HSPG2: variants seen among roughly 807,000 people sequenced by gnomAD.
HSPG2 encodes the protein heparan sulfate proteoglycan 2, also known as basement membrane-specific heparan sulfate proteoglycan core protein.
In HSPG2, 278 loss-of-function variants were observed where a neutral mutation model predicts 526.6. The ratio of observed to expected loss-of-function variants is 0.53; its 90% CI spans 0.48 to 0.58. The LOEUF (loss-of-function observed/expected upper bound fraction) is 0.58. HSPG2 is among the 20% of genes least tolerant of loss of function. The pLI is 0.00. For missense variants in HSPG2, 5,354 were observed against 6,099.5 expected (o/e 0.88, Z 4.07); for synonymous variants, 2,465 against 2,555.4 (o/e 0.96, Z 1.07).
Position 21,831,000 on chromosome 1 carries a change from C to A in HSPG2, c.11653G>T (p.Ala3885Ser). The stretch of plus-strand genomic sequence containing the variant: ...TGCGTACCTGGATGGCAGTGCAGGG[C>A]CTGCGAGTGCTCACAGCGGCTCCCG... ...FTGSRCEHSQ[A>S]LHCHPEACGP... is the part of the protein sequence containing the mutation. The change falls in exon 85 of 97, where the codon GCC becomes TCC. Residue 3885 changes from alanine (A) to serine (S), a missense_variant. Transcript: ENST00000374695. 2 of 1,584,060 alleles carry A rather than the reference C, an allele frequency of 1.3e-6. No individual in the cohort carries two copies. Among genetic ancestry groups the A allele is most frequent in the Non-Finnish European group, 8.6e-7 (1 of 1,164,856 alleles).
chr1:21,933,972 C>T (rs575712569), intron 1 of HSPG2, among the ~76,000 whole-genome samples: 2 of 152,326 alleles, frequency 1.3e-5, no homozygotes, highest in Admixed American at 1.3e-4. Context: ...CGACTTCCCT[C>T]CTAGGCCCTG....
In HSPG2 at chr1:21,848,651, G is replaced by A. The variant is rs768113945; in HGVS notation, c.7729C>T (p.Arg2577Trp). ...WYKRGGSLPS[R>W]HQIVGSRLRI... The stretch of plus-strand genomic sequence containing the variant: ...ACCTGCTGGCCCTGTACCTGGTGCC[G>A]GCTGGGTAAGCTGCCTCCACGCTTA... Residue 2577 changes from arginine to tryptophan, a missense_variant, in exon 59 of 97, where the codon CGG becomes TGG. Transcript: ENST00000374695. The surrounding 1 kb of genome is among the most constrained non-coding windows in gnomAD (Gnocchi z 4.9). The A allele has an allele frequency of 1.5e-5, 24 of 1,613,128 alleles. No individual in the cohort carries two copies. Among genetic ancestry groups the A allele is most frequent in the East Asian group, 6.7e-5 (3 of 44,880 alleles).
intron 25 of HSPG2, 30 bp downstream of exon 25, chr1:21,875,599 T>G: frequency 6.4e-7 from 1 of 1,560,686 alleles, no homozygotes; most frequent in Non-Finnish European, 8.7e-7. Context: ...CCCAAGCCCA[T>G]GCTGGTCCTC....
At chr1:21,907,911 C>T (rs1410624329) in intron 1 of HSPG2, among the ~76,000 whole-genome samples, 1 of 152,236 alleles carries the variant, frequency 6.6e-6, no homozygotes, top group African/African-American at 2.4e-5. Context: ...TTTCTCCTCT[C>T]TGTGCCTCCG....
chr1:21,927,464 C>G (rs1644230495), intron 1 of HSPG2, among the ~76,000 whole-genome samples: 1 of 152,182 alleles, frequency 6.6e-6, no homozygotes, highest in South Asian at 2.1e-4. Context: ...GCTCCCCAGG[C>G]AAGGTCCTGC....
Position 21,836,949 on chromosome 1 carries a change from T to C in HSPG2, c.10208A>G (p.Gln3403Arg), listed in dbSNP as rs775803071. The C allele has an allele frequency of 6.4e-7, 1 of 1,556,384 alleles. No individual in the cohort carries two copies. Among genetic ancestry groups the C allele is most frequent in the Non-Finnish European group, 8.7e-7 (1 of 1,149,876 alleles). The change falls in exon 75 of 97, where the codon CAG (glutamine) becomes CGG (arginine). Residue 3403 changes from glutamine (Q) to arginine (R), a missense_variant. Coordinates refer to ENST00000374695, the MANE Select transcript of HSPG2 (RefSeq NM_005529.7). ...SIPAGSTPTV[Q>R]VTPQLETKSI... ...CTTGGTCTCTAGCTGAGGCGTGACC[T>C]GCACGGTGGGCGTGGACCCTGCTGG...
At chr1:21,826,074 C>T (rs1478656624) in intron 91 of HSPG2, among the ~76,000 whole-genome samples, 1 of 151,460 alleles carries the variant, frequency 6.6e-6, no homozygotes, top group African/African-American at 2.4e-5. Flanking sequence ...TGAGCCACCG[C>T]ACCCAGCCTT....
intron 1 of HSPG2, among the ~76,000 whole-genome samples, chr1:21,927,924 C>T (rs1403361861): frequency 6.6e-6 from 1 of 152,230 alleles, no homozygotes; most frequent in Non-Finnish European, 1.5e-5. Flanking sequence ...AAGGCGTGCC[C>T]GGCTGTGCCC....
rs1313764673 is a variant in HSPG2 at position 21,864,479 on chromosome 1, G to A, written c.4627-266C>T. Reference sequence around the variant, plus strand: ...TGAATTGGCTCCCTGTCTCTGGTGGGCCCCCTCAAGGGCATGAACTGGGTT... The same window carrying A: ...TGAATTGGCTCCCTGTCTCTGGTGGACCCCCTCAAGGGCATGAACTGGGTT... On this transcript the variant is annotated intron_variant, in intron 36 of 96. Coordinates refer to ENST00000374695, the MANE Select transcript of HSPG2 (RefSeq NM_005529.7). The surrounding 1 kb of genome is among the most constrained non-coding windows in gnomAD (Gnocchi z 4.8). Among the ~76,000 whole-genome samples the A allele has an allele frequency of 1.3e-5, 2 of 152,170 alleles. No homozygotes were observed. The highest frequency in any genetic ancestry group is 4.8e-5 in the African/African-American group (2 of 41,436).
At chr1:21,921,503 C>T (rs1569615610) in intron 1 of HSPG2, among the ~76,000 whole-genome samples, 1 of 152,160 alleles carries the variant, frequency 6.6e-6, no homozygotes. Context: ...ACTCCAAGCC[C>T]CTGCTTCCCT....
intron 1 of HSPG2, among the ~76,000 whole-genome samples, chr1:21,925,403 G>A (rs1644161028): frequency 6.6e-6 from 1 of 152,144 alleles, no homozygotes; most frequent in South Asian, 2.1e-4. Flanking sequence ...TTTCACCCAA[G>A]CCCCCAGTAT....
chr1:21,868,855 A>C (rs1640436002), intron 33 of HSPG2: 10 of 792,864 alleles, frequency 1.3e-5, no homozygotes, highest in Non-Finnish European at 1.5e-5. Context: ...ATTCTATGAC[A>C]CCCCTATAAT....
chr1:21,927,566 G>A (rs984826351), intron 1 of HSPG2, among the ~76,000 whole-genome samples: 7 of 151,978 alleles, frequency 4.6e-5, no homozygotes, highest in African/African-American at 1.2e-4. Flanking sequence ...CAGGATGCAC[G>A]AACATCCTTT....
rs749686104 is a variant in HSPG2 at position 21,842,721 on chromosome 1, A to C, written c.8910+49T>G. ...AGGTTTGGGTACAGAAAGCAACTGCAGGTCTAACCTTGCCTGACCTGGAAT... is the reference window on the plus strand; with the variant it reads ...AGGTTTGGGTACAGAAAGCAACTGCCGGTCTAACCTTGCCTGACCTGGAAT... On this transcript the variant is annotated intron_variant, in intron 67 of 96. Transcript: ENST00000374695. 4.3e-6 allele frequency: 7 copies of C among 1,609,926 alleles called. No individual in the cohort carries two copies. In the South Asian group the frequency reaches 7.7e-5, roughly 18 times the overall value.
Position 21,857,156 on chromosome 1 carries a change from C to T in HSPG2, c.5434G>A (p.Gly1812Arg), listed in dbSNP as rs775442845. The change falls in exon 44 of 97, where the codon GGG becomes AGG. Residue 1812 changes from glycine (G) to arginine (R), a missense_variant. By Grantham distance (125) the Gly-to-Arg change is moderately radical. Transcript: ENST00000374695. ...YTLVWTRLHN[G>R]KLPTRAMDFN... Reference sequence around the variant, plus strand: ...TCCATGGCTCGGGTGGGCAGTTTCCCGTTGTGCAGGCGGGTCCACACCAGG... The same window carrying T: ...TCCATGGCTCGGGTGGGCAGTTTCCTGTTGTGCAGGCGGGTCCACACCAGG... The T allele has an allele frequency of 1.6e-5, 26 of 1,613,970 alleles. No individual in the cohort carries two copies. The highest frequency in any genetic ancestry group is 1.6e-4 in the Middle Eastern group (1 of 6,084).
rs12742444 is a variant in HSPG2, at chr1:21,854,230, C to T, written c.6402G>A (p.Val2134=). ...TGGGGCCAGAATGGGTGCCGTGGAGCACAGACACAGTAATGGAGGCCTCCT... is the reference window on the plus strand; with the variant it reads ...TGGGGCCAGAATGGGTGCCGTGGAGTACAGACACAGTAATGGAGGCCTCCT... ...GPKEASITVS[V]LHGTHSGPSY... The change falls in exon 50 of 97, where the codon GTG becomes GTA. Residue 2134 remains valine, a synonymous_variant. Transcript: ENST00000374695. 89,713 of 1,596,184 alleles carry T rather than the reference C, an allele frequency of 0.056. 3,020 individuals are homozygous for T. The highest frequency in any genetic ancestry group is 0.11 in the South Asian group (9,578 of 88,008).
At position 21,839,980 on chromosome 1, in the gene HSPG2, A is replaced by T. The variant is rs780158139; in HGVS notation, c.9551T>A (p.Val3184Glu). ...SAKPSDAGTY[V>E]CLAQNALGTA... The stretch of plus-strand genomic sequence containing the variant: ...GCCTAGTGCATTCTGAGCAAGGCAC[A>T]CATAAGTGCCCGCATCTGATGGTTT... The change falls in exon 72 of 97, where the codon GTG becomes GAG. Residue 3184 changes from valine (V) to glutamate (E), a missense_variant. Transcript: ENST00000374695. The surrounding 1 kb of genome is among the most constrained non-coding windows in gnomAD (Gnocchi z 4.5). 6.8e-6 allele frequency: 11 copies of T among 1,614,230 alleles called. No individual in the cohort carries two copies. Among genetic ancestry groups the T allele is most frequent in the Non-Finnish European group, 9.3e-6 (11 of 1,180,038 alleles).
chr1:21,834,535 T>C, intron 77 of HSPG2, 144 bp downstream of exon 77: 2 of 999,898 alleles, frequency 2.0e-6, no homozygotes, highest in East Asian at 2.6e-5. Flanking sequence ...CCACCTGTTA[T>C]GAAACCTGCC....
At chr1:21,836,751 G>GAGC (rs1354472117) in intron 75 of HSPG2, 51 bp downstream of exon 75, 4 of 1,480,198 alleles carry the variant, frequency 2.7e-6, no homozygotes, top group Non-Finnish European at 3.6e-6. Flanking sequence ...TGCTCACTGT[G>GAGC]AGCCCTGGGC....
Sources: gnomAD v4.1 joint callset for allele counts (sites outside exome capture counted in the v4.1 genomes callset) on GRCh38, gnomAD v4.1.1 for gene constraint, Gnocchi (gnomAD v3.1) non-coding constraint, MANE v1.5 for transcripts, NCBI Gene and HGNC (gene_info 2026-07-23, HGNC 2026-07-21) for gene names.